The following SCN3B variants were observed in gnomAD, a reference collection of about 807,000 sequenced individuals.
The protein encoded by SCN3B is sodium channel regulatory subunit beta-3.
SCN3B carries 11 observed loss-of-function variants against 25.4 expected under a neutral mutation model. The observed-to-expected ratio is 0.43, with a 90% CI of 0.27 to 0.72. The LOEUF (loss-of-function observed/expected upper bound fraction) is 0.72. Among genes scored for constraint, SCN3B ranks in the 30% least tolerant of loss-of-function variants. The pLI is 0.18. For synonymous variants in SCN3B, 109 were observed against 110.7 expected, an observed-to-expected ratio of 0.99 and a Z score of 0.09; for missense variants, 218 against 278.3, an observed-to-expected ratio of 0.78 and a Z score of 1.54.
At chr11:123,643,781 C>T (rs940234254) in intron 3 of SCN3B, among the ~76,000 whole-genome samples, 5 of 152,242 alleles carry the variant, frequency 3.3e-5, no homozygotes, top group African/African-American at 1.2e-4. Flanking sequence ...CCTGAAGGCC[C>T]TGGGGGCCTT....
intron 1 of SCN3B, 177 bp downstream of exon 1, chr11:123,654,049 G>C: frequency 1.7e-6 from 1 of 576,444 alleles, no homozygotes; most frequent in Non-Finnish European, 3.1e-6. Flanking sequence ...CAGCCGCTCC[G>C]CGCCCGCTCT....
intron 6 of SCN3B, 39 bp downstream of exon 6, chr11:123,634,082 T>A: frequency 6.6e-7 from 1 of 1,510,184 alleles, no homozygotes; most frequent in Non-Finnish European, 9.2e-7. Flanking sequence ...CAACCTGCCA[T>A]CCACATCTGC....
chr11:123,634,105 T>C lies in SCN3B; in HGVS notation c.*22+16A>G. On this transcript the variant is annotated intron_variant, in intron 6 of 6. Coordinates refer to ENST00000299333, the MANE Select transcript of SCN3B (RefSeq NM_001040151.2). ...CATCCACATCTGCCTTCCCCTCCCA[T>C]GTTCCTGTAGGTCACCTCATGTCAC... The C allele has an allele frequency of 6.3e-7, 1 of 1,596,684 alleles. No homozygotes were observed. The highest frequency in any genetic ancestry group is 8.6e-7 in the Non-Finnish European group (1 of 1,164,312).
chr11:123,647,894 T>C (rs1955872160), intron 2 of SCN3B, among the ~76,000 whole-genome samples: 1 of 152,254 alleles, frequency 6.6e-6, no homozygotes, highest in African/African-American at 2.4e-5. Context: ...GGGTGAGTCT[T>C]ATCTGACAGT....
At position 123,654,586 on chromosome 11, in the gene SCN3B, G is replaced by C. The variant is rs997774057; in HGVS notation, c.-386C>G. ...CAACCCTTCTCTAGGCCCCCAGGCCGTGTGTGCTGTCAGCCCTGACATGCG... is the reference window on the plus strand; with the variant it reads ...CAACCCTTCTCTAGGCCCCCAGGCCCTGTGTGCTGTCAGCCCTGACATGCG... On this transcript the variant is annotated 5_prime_UTR_variant, in exon 1 of 7. Coordinates refer to ENST00000299333, the MANE Select transcript of SCN3B (RefSeq NM_001040151.2). The C allele has an allele frequency of 1.3e-5, 2 of 152,944 alleles. No individual in the cohort carries two copies. Among genetic ancestry groups the C allele is most frequent in the African/African-American group, 2.4e-5 (1 of 41,588 alleles). The allele number at this position is 152,944 out of a possible 1,614,324, so 9.5% of individuals were successfully genotyped here. A position where few individuals can be genotyped will look rare whatever the true frequency, so the allele number is the denominator to read the frequency against.
chr11:123,653,631 A>G, intron 2 of SCN3B, 116 bp downstream of exon 2: 1 of 1,189,078 alleles, frequency 8.4e-7, no homozygotes, highest in Non-Finnish European at 1.3e-6. Flanking sequence ...TCTGGCAGAT[A>G]CGCACAGAGG....
chr11:123,650,422 G>A (rs943254583), intron 2 of SCN3B, among the ~76,000 whole-genome samples: 5 of 152,138 alleles, frequency 3.3e-5, no homozygotes, highest in African/African-American at 2.4e-5. Flanking sequence ...TAATAAATGA[G>A]GTTATTTTTA....
At chr11:123,648,583 A>G (rs1050733224) in intron 2 of SCN3B, among the ~76,000 whole-genome samples, 2 of 151,794 alleles carry the variant, frequency 1.3e-5, no homozygotes, top group Non-Finnish European at 2.9e-5. Context: ...TTAAATAGTA[A>G]AAAGTGCTGT....
At chr11:123,651,416 T>A (rs1191785268) in intron 2 of SCN3B, among the ~76,000 whole-genome samples, 1 of 151,886 alleles carries the variant, frequency 6.6e-6, no homozygotes, top group Non-Finnish European at 1.5e-5. Flanking sequence ...CACGCTGGAG[T>A]GCAGTGGCAC....
rs72553907 is a variant in SCN3B, at chr11:123,632,791, C to CA, written c.*1007dup. ...TGACAGAGTGAGACTCCATCTCAAA[C>CA]AAAAAAAACAAAAAACAAAACAAAC... On this transcript the variant is annotated 3_prime_UTR_variant, in exon 7 of 7. Coordinates refer to ENST00000299333, the MANE Select transcript of SCN3B (RefSeq NM_001040151.2). 112 of 151,626 alleles carry CA rather than the reference C, an allele frequency of 7.4e-4. No homozygotes were observed. Among genetic ancestry groups the CA allele is most frequent in the Middle Eastern group, 3.4e-3 (1 of 294 alleles). The allele number at this position is 151,626 out of a possible 1,614,324, so 9.4% of individuals were successfully genotyped here. A position where few individuals can be genotyped will look rare whatever the true frequency, so the allele number is the denominator to read the frequency against.
chr11:123,634,429 C>A (rs1955704943), intron 5 of SCN3B, among the ~76,000 whole-genome samples: 1 of 152,202 alleles, frequency 6.6e-6, no homozygotes. Context: ...TCTCATTTAT[C>A]CAGGTTGTCT....
chr11:123,640,964 G>A (rs1401299522), intron 4 of SCN3B: 8 of 152,248 alleles, frequency 5.3e-5, no homozygotes, highest in Non-Finnish European at 1.2e-4. Context: ...GTTTTTACCC[G>A]AGGCTTGCTC....
intron 4 of SCN3B, chr11:123,640,965 A>G (rs977634469): frequency 6.6e-5 from 10 of 152,174 alleles, no homozygotes; most frequent in African/African-American, 2.4e-4. Context: ...TTTTTACCCG[A>G]GGCTTGCTCT....
intron 3 of SCN3B, among the ~76,000 whole-genome samples, chr11:123,644,800 AATATATATATATATATATATATATAT>A (rs56135097): frequency 2.2e-5 from 1 of 45,578 alleles, no homozygotes; most frequent in Non-Finnish European, 4.1e-5. Flanking sequence ...AGAGAGAGAG[AATATATATATATATATATATATATAT>A]ATATATATAT....
At chr11:123,649,358 A>G (rs1955892753) in intron 2 of SCN3B, among the ~76,000 whole-genome samples, 1 of 152,220 alleles carries the variant, frequency 6.6e-6, no homozygotes, top group Non-Finnish European at 1.5e-5. Flanking sequence ...CCCTAAGGCA[A>G]CAATAATCCA....
intron 4 of SCN3B, among the ~76,000 whole-genome samples, chr11:123,641,288 A>G (rs78513518): frequency 0.076 from 11,613 of 152,244 alleles, 451 homozygotes; most frequent in Middle Eastern, 0.14. Flanking sequence ...GTGACTCATC[A>G]GGTCTGGATT....
intron 4 of SCN3B, chr11:123,640,270 A>C (rs1439408378): frequency 6.6e-6 from 1 of 152,232 alleles, no homozygotes; most frequent in Non-Finnish European, 1.5e-5. Flanking sequence ...GTAGCCCACA[A>C]ATGGCAATAC....
At chr11:123,649,613 C>T (rs1055587161) in intron 2 of SCN3B, among the ~76,000 whole-genome samples, 1 of 151,130 alleles carries the variant, frequency 6.6e-6, no homozygotes, top group Non-Finnish European at 1.5e-5. Flanking sequence ...CTTTCTTTTT[C>T]TTTTCTTTCT....
rs1413834093 is a variant in SCN3B, at chr11:123,649,634, TTTC to T, written c.56-3887_56-3885del. Among the ~76,000 whole-genome samples, 300 of 145,480 alleles carry T rather than the reference TTTC, an allele frequency of 2.1e-3. 1 individual carries two copies. Among genetic ancestry groups the T allele is most frequent in the African/African-American group, 7.4e-3 (287 of 38,834 alleles). ...TTTTCTTTTCTTTCTTTTTTCTTTC[TTTC>T]TTTTTTTTCTTTCTTTCTCTTTCTT... On this transcript the variant is annotated intron_variant, in intron 2 of 6. Coordinates refer to ENST00000299333, the MANE Select transcript of SCN3B (RefSeq NM_001040151.2).
Sources: gnomAD v4.1 joint callset for allele counts (sites outside exome capture counted in the v4.1 genomes callset) on GRCh38, gnomAD v4.1.1 for gene constraint, MANE v1.5 for transcripts, NCBI Gene and HGNC (gene_info 2026-07-23, HGNC 2026-07-21) for gene names.